Variants in RNF111 observed in about 807,000 individuals in gnomAD.
RNF111 encodes the protein E3 ubiquitin-protein ligase Arkadia.
In RNF111, 17 loss-of-function variants were observed where a neutral mutation model predicts 95.1. That is an observed-to-expected ratio of 0.18 (90% CI 0.12 to 0.27). The LOEUF (loss-of-function observed/expected upper bound fraction) is 0.27, where lower values mean the gene tolerates loss of function less well. Among genes scored for constraint, RNF111 ranks in the 10% least tolerant of loss-of-function variants. RNF111 has a pLI of 1.00. For missense variants in RNF111, 1,189 were observed against 1,210.4 expected, an observed-to-expected ratio of 0.98 and a Z score of 0.26; for synonymous variants, 440 against 414.8, an observed-to-expected ratio of 1.06 and a Z score of -0.74.
chr15:58,994,509 G>T (rs1416219957), intron 1 of RNF111, among the ~76,000 whole-genome samples: 1 of 109,894 alleles, frequency 9.1e-6, no homozygotes, highest in African/African-American at 3.7e-5. Flanking sequence ...GTGGAGTCTC[G>T]CTGTGTTGCC....
At chr15:59,085,352 C>T (rs1295131712) in intron 9 of RNF111, among the ~76,000 whole-genome samples, 1 of 152,156 alleles carries the variant, frequency 6.6e-6, no homozygotes, top group African/African-American at 2.4e-5. Context: ...GTTGTATGCT[C>T]CTCAAGTAGA....
rs1304845793 is a variant in RNF111, at chr15:59,030,837, T to C, written c.15T>C (p.Thr5=). 6.3e-7 allele frequency: 1 copy of C among 1,585,406 alleles called. No homozygotes were observed. The highest frequency in any genetic ancestry group is 8.6e-7 in the Non-Finnish European group (1 of 1,165,926). MSQW[T]PEYNELYTLK... Reference sequence around the variant, plus strand: ...TAAAGTTTCCCATGTCTCAATGGACTCCTGAATATAACGAGCTCTACACCT... The same window carrying C: ...TAAAGTTTCCCATGTCTCAATGGACCCCTGAATATAACGAGCTCTACACCT... The change falls in exon 2 of 14, where the codon ACT becomes ACC. Residue 5 remains threonine (T), a synonymous_variant. Coordinates refer to ENST00000348370, the MANE Select transcript of RNF111 (RefSeq NM_017610.8).
chr15:59,080,861 C>G lies in RNF111; in HGVS notation c.1949-75C>G, dbSNP rs1244477525. On this transcript the variant is annotated intron_variant, in intron 7 of 13. Coordinates refer to ENST00000348370, the MANE Select transcript of RNF111 (RefSeq NM_017610.8). ...AAATACTAATATGTTTAAAAGTACA[C>G]TAGGAATGTATAATAGCAATATATG... 5 of 1,146,390 alleles carry G rather than the reference C, an allele frequency of 4.4e-6. No homozygotes were observed. In the African/African-American group the frequency reaches 4.7e-5, roughly 11 times the overall value. 71.0% of individuals were successfully genotyped at this position (1,146,390 alleles called of 1,614,324 possible). A position where few individuals can be genotyped will look rare whatever the true frequency, so the allele number is the denominator to read the frequency against.
At chr15:59,043,655 A>C (rs2041574380) in intron 2 of RNF111, among the ~76,000 whole-genome samples, 1 of 152,184 alleles carries the variant, frequency 6.6e-6, no homozygotes, top group South Asian at 2.1e-4. Context: ...TTTGGGTACA[A>C]ATCTTTGTGT....
At position 58,987,665 on chromosome 15, in the gene RNF111, TGTC is replaced by T. The variant is rs2038623882; in HGVS notation, c.-420_-418del. The T allele has an allele frequency of 6.2e-6, 1 of 161,080 alleles. No individual in the cohort carries two copies. Among genetic ancestry groups the T allele is most frequent in the Non-Finnish European group, 1.4e-5 (1 of 73,582 alleles). 10.0% of individuals were successfully genotyped at this position (161,080 alleles called of 1,614,324 possible). ...TCCGAACTGTCGTAAAGAGCCCTAG[TGTC>T]GTGCTCTCCTCGGTAGGGGAGGAAT... On this transcript the variant is annotated 5_prime_UTR_variant, in exon 1 of 14. Coordinates refer to ENST00000348370, the MANE Select transcript of RNF111 (RefSeq NM_017610.8).
chr15:59,042,150 G>A (rs1207975367), intron 2 of RNF111, among the ~76,000 whole-genome samples: 1 of 151,226 alleles, frequency 6.6e-6, no homozygotes, highest in Non-Finnish European at 1.5e-5. Context: ...TTTGAGACAG[G>A]ATCTCACTCT....
In RNF111 at chr15:59,085,774, CT is replaced by C. The variant is rs771743107; in HGVS notation, c.2541del (p.Pro848LeufsTer2). ...PRLHHLQLGA[L>X]PLMVPDMAGY... ...ACTTCATCACTTACAATTAGGAGCT[CT>C]TCCTTTAATGGTAAAATGGAAAATT... is the stretch of plus-strand genomic sequence containing the variant. On this transcript the variant is annotated frameshift_variant, in exon 10 of 14. Coordinates refer to ENST00000348370, the MANE Select transcript of RNF111 (RefSeq NM_017610.8). LOFTEE classifies it high-confidence loss of function. The C allele has an allele frequency of 6.2e-7, 1 of 1,612,342 alleles. No individual in the cohort carries two copies.
At chr15:59,084,821 T>C (rs2078851623) in intron 9 of RNF111, among the ~76,000 whole-genome samples, 1 of 152,028 alleles carries the variant, frequency 6.6e-6, no homozygotes, top group African/African-American at 2.4e-5. Flanking sequence ...TACTCTCTCC[T>C]GTGAGTTTAG....
At chr15:59,065,350 G>A (rs1169896935) in intron 5 of RNF111, among the ~76,000 whole-genome samples, 2 of 152,162 alleles carry the variant, frequency 1.3e-5, no homozygotes, top group Non-Finnish European at 1.5e-5. Flanking sequence ...ACTTTCAGAG[G>A]ATACTTTTGC....
At chr15:59,078,815 C>T (rs1421809785) in intron 7 of RNF111, among the ~76,000 whole-genome samples, 1 of 149,924 alleles carries the variant, frequency 6.7e-6, no homozygotes, top group African/African-American at 2.5e-5. Flanking sequence ...GCTGAGATCA[C>T]ACCACTGCAC....
intron 11 of RNF111, 37 bp from the exon 12 acceptor site, chr15:59,091,022 C>T (rs763033510): frequency 1.6e-6 from 2 of 1,239,450 alleles, no homozygotes; most frequent in Non-Finnish European, 2.4e-6. Context: ...GAATAATCAT[C>T]TTGGCTTTTA....
intron 2 of RNF111, among the ~76,000 whole-genome samples, chr15:59,034,268 T>G (rs2041062142): frequency 6.6e-6 from 1 of 152,170 alleles, no homozygotes; most frequent in African/African-American, 2.4e-5. Flanking sequence ...ACATTGTGCT[T>G]GCGTTTTATA....
At chr15:59,040,962 T>A (rs1401217356) in intron 2 of RNF111, among the ~76,000 whole-genome samples, 1 of 152,216 alleles carries the variant, frequency 6.6e-6, no homozygotes, top group East Asian at 1.9e-4. Flanking sequence ...CAGGTCTTAA[T>A]TTAGTTTTGG....
In RNF111 at chr15:59,083,978, A is replaced by G. The variant is rs115519628; in HGVS notation, c.2298-151A>G. 1.4e-3 allele frequency: 740 copies of G among 513,160 alleles called. 4 individuals carry two copies. Among genetic ancestry groups the G allele is most frequent in the African/African-American group, 0.013 (649 of 50,140 alleles). The allele number at this position is 513,160 out of a possible 1,614,324, so 31.8% of individuals were successfully genotyped here. A position where few individuals can be genotyped will look rare whatever the true frequency, so the allele number is the denominator to read the frequency against. On this transcript the variant is annotated intron_variant, in intron 8 of 13. Coordinates refer to ENST00000348370, the MANE Select transcript of RNF111 (RefSeq NM_017610.8). ...TCTTGATTTATTAACAAATAATTTT[A>G]TATGTTTTTATAATTTATTATAAAA...
intron 5 of RNF111, among the ~76,000 whole-genome samples, chr15:59,062,782 G>A (rs117373177): frequency 6.6e-6 from 1 of 152,176 alleles, no homozygotes; most frequent in African/African-American, 2.4e-5. Flanking sequence ...GCAGTCTGGC[G>A]TGGTACCTCT....
At chr15:59,079,651 C>T (rs2140159860) in intron 7 of RNF111, among the ~76,000 whole-genome samples, 1 of 140,622 alleles carries the variant, frequency 7.1e-6, no homozygotes. Flanking sequence ...AAATCTAAGA[C>T]AAACTTTTTT....
chr15:59,001,924 C>G (rs1373421044), intron 1 of RNF111, among the ~76,000 whole-genome samples: 3 of 151,958 alleles, frequency 2.0e-5, no homozygotes, highest in Admixed American at 2.0e-4. Flanking sequence ...ATAGCAATAA[C>G]TAATAAAAAA....
chr15:59,055,570 G>T, intron 3 of RNF111, 112 bp from the exon 4 acceptor site: 2 of 791,564 alleles, frequency 2.5e-6, no homozygotes, highest in Non-Finnish European at 1.9e-6. Context: ...TTATTTCTTT[G>T]GAGAAATCTT....
intron 12 of RNF111, 42 bp from the exon 13 acceptor site, chr15:59,092,494 TG>T: frequency 6.3e-7 from 1 of 1,576,208 alleles, no homozygotes; most frequent in Non-Finnish European, 8.6e-7. Context: ...TGTTCAATAA[TG>T]TCATCTCTAC....
Sources: allele counts gnomAD v4.1 joint callset (sites outside exome capture counted in the v4.1 genomes callset), GRCh38; gene constraint gnomAD v4.1.1; transcripts MANE v1.5; gene names NCBI Gene and HGNC (gene_info 2026-07-23, HGNC 2026-07-21).